The following DLGAP1 variants were observed in gnomAD, a reference collection of about 807,000 sequenced individuals.
DLGAP1 encodes the protein disks large-associated protein 1.
DLGAP1 carries 11 observed loss-of-function variants against 90.8 expected under a neutral mutation model. That is an observed-to-expected ratio of 0.12 (90% CI 0.08 to 0.20). The LOEUF (loss-of-function observed/expected upper bound fraction) is 0.20, where lower values mean the gene tolerates loss of function less well. DLGAP1 is among the 10% of genes least tolerant of loss of function. DLGAP1 has a pLI of 1.00. For missense variants in DLGAP1, 1,050 were observed against 1,333.8 expected (o/e 0.79, Z 3.31); for synonymous variants, 558 against 540.7 (o/e 1.03, Z -0.44).
At chr18:4,015,949 T>C (rs191727060) in intron 2 of DLGAP1, among the ~76,000 whole-genome samples, 224 of 152,306 alleles carry the variant, frequency 1.5e-3, no homozygotes, top group African/African-American at 5.3e-3. Context: ...ACAAATAATA[T>C]TGTATAGATG....
chr18:4,452,814 A>C (rs1169835745), intron 1 of DLGAP1, among the ~76,000 whole-genome samples: 1 of 151,204 alleles, frequency 6.6e-6, no homozygotes, highest in African/African-American at 2.5e-5. Context: ...TCATATACTC[A>C]TTATTTCCCC....
intron 5 of DLGAP1, among the ~76,000 whole-genome samples, chr18:3,744,985 C>A (rs1456926054): frequency 6.6e-6 from 1 of 152,090 alleles, no homozygotes; most frequent in Non-Finnish European, 1.5e-5. Context: ...GGTAAATGAA[C>A]TATTTGACTA....
chr18:4,433,184 T>C (rs191425379), intron 1 of DLGAP1, among the ~76,000 whole-genome samples: 8 of 152,352 alleles, frequency 5.3e-5, no homozygotes, highest in Admixed American at 3.9e-4. Flanking sequence ...TTCCTAATCA[T>C]GGCCTCACAT....
chr18:4,417,730 CAACTT>C (rs1210663546), intron 1 of DLGAP1, among the ~76,000 whole-genome samples: 1 of 152,084 alleles, frequency 6.6e-6, no homozygotes, highest in African/African-American at 2.4e-5. Flanking sequence ...CAAAACAAAA[CAACTT>C]AACCCTGGGG....
At chr18:3,856,718 G>A (rs942289453) in intron 4 of DLGAP1, among the ~76,000 whole-genome samples, 4 of 152,044 alleles carry the variant, frequency 2.6e-5, no homozygotes, top group African/African-American at 4.8e-5. Context: ...AAAATTAGCC[G>A]GGTGTGGTGG....
intron 1 of DLGAP1, among the ~76,000 whole-genome samples, chr18:4,346,289 T>C: frequency 6.6e-6 from 1 of 152,140 alleles, no homozygotes; most frequent in East Asian, 1.9e-4. Context: ...CCAAGTCAGA[T>C]GGATGGAATT....
chr18:4,140,969 T>C (rs11874330), intron 2 of DLGAP1, among the ~76,000 whole-genome samples: 1 of 151,988 alleles, frequency 6.6e-6, no homozygotes, highest in Non-Finnish European at 1.5e-5. Context: ...CCTTTCATTA[T>C]CCTTGACCTT....
intron 1 of DLGAP1, among the ~76,000 whole-genome samples, chr18:4,184,220 G>T (rs12458541): frequency 6.6e-6 from 1 of 152,060 alleles, no homozygotes; most frequent in East Asian, 1.9e-4. Context: ...ACCTAAATTT[G>T]CTTCTGCACA....
intron 1 of DLGAP1, among the ~76,000 whole-genome samples, chr18:4,202,370 C>T (rs1598610454): frequency 6.6e-6 from 1 of 151,944 alleles, no homozygotes; most frequent in African/African-American, 2.4e-5. Flanking sequence ...AGGGAGATTC[C>T]AAAATTACCT....
intron 6 of DLGAP1, among the ~76,000 whole-genome samples, chr18:3,731,215 T>G (rs2062414624): frequency 6.6e-6 from 1 of 152,082 alleles, no homozygotes; most frequent in African/African-American, 2.4e-5. Flanking sequence ...ATATAATTTA[T>G]TCATTTTTCC....
intron 4 of DLGAP1, chr18:3,822,093 T>C (rs2067453564): frequency 8.8e-6 from 6 of 682,536 alleles, no homozygotes; most frequent in South Asian, 6.6e-5. Flanking sequence ...CTAGGCATGA[T>C]TGTTGCTTCC....
Position 4,113,762 on chromosome 18 carries a change from T to C in DLGAP1, c.-159+37418A>G, listed in dbSNP as rs555866720. Among the ~76,000 whole-genome samples the C allele has an allele frequency of 2.0e-5, 3 of 152,260 alleles. No individual in the cohort carries two copies. The South Asian group carries it at 6.2e-4, about 32-fold the overall frequency. On this transcript the variant is annotated intron_variant, in intron 2 of 12. Transcript: ENST00000315677. ...GTCTGAAATCTTATATTTAAATCTATAATCCATCTGGAATTAATTTTCGTA... is the reference window on the plus strand; with the variant it reads ...GTCTGAAATCTTATATTTAAATCTACAATCCATCTGGAATTAATTTTCGTA...
intron 3 of DLGAP1, among the ~76,000 whole-genome samples, chr18:4,004,447 G>A (rs1315944311): frequency 1.3e-5 from 2 of 151,870 alleles, no homozygotes; most frequent in East Asian, 1.9e-4. Context: ...GTTCTTTACC[G>A]GGATGTTAAC....
chr18:4,193,218 C>T (rs761528477), intron 1 of DLGAP1, among the ~76,000 whole-genome samples: 66 of 152,262 alleles, frequency 4.3e-4, no homozygotes, highest in Non-Finnish European at 5.9e-4. Context: ...CTCAGCTGGA[C>T]GTGGGCCTGG....
At chr18:3,535,835 C>T (rs1568151368) in intron 9 of DLGAP1, among the ~76,000 whole-genome samples, 1 of 152,024 alleles carries the variant, frequency 6.6e-6, no homozygotes, top group Non-Finnish European at 1.5e-5. Flanking sequence ...AGTTCGAGAC[C>T]AGCCTGACCA....
At chr18:3,977,037 T>C (rs1052597650) in intron 3 of DLGAP1, among the ~76,000 whole-genome samples, 4 of 152,214 alleles carry the variant, frequency 2.6e-5, no homozygotes, top group Non-Finnish European at 5.9e-5. Flanking sequence ...TCTGCTGATT[T>C]GTTAATAGCT....
chr18:4,067,201 G>C (rs918582563), intron 2 of DLGAP1, among the ~76,000 whole-genome samples: 1 of 151,984 alleles, frequency 6.6e-6, no homozygotes, highest in African/African-American at 2.4e-5. Flanking sequence ...AGGAGGAAGA[G>C]GATCAAGAAA....
chr18:3,616,887 A>T (rs2057893809), intron 7 of DLGAP1, among the ~76,000 whole-genome samples: 1 of 152,212 alleles, frequency 6.6e-6, no homozygotes, highest in African/African-American at 2.4e-5. Context: ...ATGACCTCTG[A>T]GGCTAGATCA....
chr18:3,985,388 G>GCTAA (rs1483013803), intron 3 of DLGAP1, among the ~76,000 whole-genome samples: 37 of 152,206 alleles, frequency 2.4e-4, no homozygotes, highest in Admixed American at 2.0e-3. Flanking sequence ...AAAAAGTTAA[G>GCTAA]CTAATTACAG....
Sources: gnomAD v4.1 joint callset for allele counts (sites outside exome capture counted in the v4.1 genomes callset) on GRCh38, gnomAD v4.1.1 for gene constraint, MANE v1.5 for transcripts, NCBI Gene and HGNC (gene_info 2026-07-23, HGNC 2026-07-21) for gene names.